MAGOHB: variants seen among roughly 807,000 people sequenced by gnomAD.
The protein encoded by MAGOHB is protein mago nashi homolog 2.
In MAGOHB, 15 loss-of-function variants were observed where a neutral mutation model predicts 20.9. That is an observed-to-expected ratio of 0.72 (90% confidence interval 0.48 to 1.11). The LOEUF is 1.11. Ranked by LOEUF, MAGOHB falls within the 50% of genes least tolerant of loss-of-function variation. MAGOHB has a pLI of 0.00. For synonymous variants in MAGOHB, 50 were observed against 57.9 expected, an observed-to-expected ratio of 0.86 and a Z score of 0.62; for missense variants, 162 against 177.6, an observed-to-expected ratio of 0.91 and a Z score of 0.50.
intron 3 of MAGOHB, 92 bp from the exon 4 acceptor site, chr12:10,608,028 C>T (rs1010437237): frequency 2.1e-5 from 15 of 698,398 alleles, no homozygotes; most frequent in African/African-American, 3.7e-5. Context: ...ATTTTAGTTG[C>T]AAGTTTTCTA....
chr12:10,609,331 G>GAA, intron 3 of MAGOHB: 1 of 419,256 alleles, frequency 2.4e-6, no homozygotes, highest in East Asian at 7.1e-5. Context: ...TCTTTTTACA[G>GAA]AGTGAAATTA....
At chr12:10,610,579 A>C (rs1249072763) in intron 2 of MAGOHB, 43 bp downstream of exon 2, 159 of 192,584 alleles carry the variant, frequency 8.3e-4, no homozygotes, top group African/African-American at 5.3e-3. Flanking sequence ...GCTAAATGCA[A>C]AAAAAAAAAA....
intron 1 of MAGOHB, among the ~76,000 whole-genome samples, chr12:10,610,906 T>C (rs1865722103): frequency 6.6e-6 from 1 of 152,236 alleles, no homozygotes; most frequent in Non-Finnish European, 1.5e-5. Context: ...GCCTACAATA[T>C]ATATTGGGTC....
At chr12:10,611,527 A>C in intron 1 of MAGOHB, among the ~76,000 whole-genome samples, 1 of 151,766 alleles carries the variant, frequency 6.6e-6, no homozygotes, top group African/African-American at 2.4e-5. Flanking sequence ...TGGGTGGATC[A>C]CCTGAGGTCA....
Position 10,607,896 on chromosome 12 carries a change from G to A in MAGOHB, c.305C>T (p.Thr102Ile), listed in dbSNP as rs1400373775. 6.3e-7 allele frequency: 1 copy of A among 1,591,660 alleles called. No individual in the cohort carries two copies. Among genetic ancestry groups the A allele is most frequent in the Non-Finnish European group, 8.6e-7 (1 of 1,168,448 alleles). ...AATAAGAGAACCTATTTTTGATGTG[G>A]TAAAAGATATGTGCTCATCTCCAAT... ...IVIGDEHISF[T>I]TSKIGSLIDV... Residue 102 changes from threonine (T) to isoleucine (I), a missense_variant, in exon 4 of 5, where the codon ACC becomes ATC. Coordinates refer to ENST00000320756, the MANE Select transcript of MAGOHB (RefSeq NM_018048.5).
At chr12:10,613,077 A>G in intron 1 of MAGOHB, 2 of 641,776 alleles carry the variant, frequency 3.1e-6, no homozygotes, top group Admixed American at 3.3e-5. Context: ...CACAGCCTAA[A>G]TGAAAAAAAG....
chr12:10,610,004 A>G, intron 2 of MAGOHB, 63 bp from the exon 3 acceptor site: 1 of 890,062 alleles, frequency 1.1e-6, no homozygotes, highest in Non-Finnish European at 1.7e-6. Context: ...ACTCAGAAAG[A>G]AATGAGTTAC....
intron 1 of MAGOHB, among the ~76,000 whole-genome samples, chr12:10,611,916 G>C (rs1451721358): frequency 6.6e-6 from 1 of 152,088 alleles, no homozygotes; most frequent in Non-Finnish European, 1.5e-5. Flanking sequence ...CATGTGACCT[G>C]CTAAAAGTGA....
intron 3 of MAGOHB, 100 bp from the exon 4 acceptor site, chr12:10,608,036 C>T (rs1283238374): frequency 7.6e-6 from 5 of 658,230 alleles, no homozygotes; most frequent in Non-Finnish European, 1.3e-5. Context: ...TGCAAGTTTT[C>T]TAGCAGCCAA....
chr12:10,601,573 GT>G (rs906904895), downstream of MAGOHB, among the ~76,000 whole-genome samples: 1 of 152,162 alleles, frequency 6.6e-6, no homozygotes, highest in Admixed American at 6.5e-5. Flanking sequence ...ATTCACCATA[GT>G]AAAATAGTGA....
At chr12:10,599,769 T>A (rs1160526446), downstream of MAGOHB, 2 of 152,188 alleles carry the variant, frequency 1.3e-5, no homozygotes, top group African/African-American at 4.8e-5. Flanking sequence ...TATTCCTCTA[T>A]CTCAACTAAC....
In MAGOHB at chr12:10,607,940, AAAAATAT is replaced by A. The variant is rs1379870856; in HGVS notation, c.265-11_265-5del. ...CTCCAATTACAATTTCAAGCTCCTA[AAAAATAT>A]AGCAGAAAAATGTAGTTAATATAAA... is the stretch of plus-strand genomic sequence containing the variant. On this transcript the variant is annotated splice_polypyrimidine_tract_variant and splice_region_variant and intron_variant, in intron 3 of 4. Transcript: ENST00000320756. 1 of 1,528,964 alleles carries A rather than the reference AAAAATAT, an allele frequency of 6.5e-7. No individual in the cohort carries two copies. The highest frequency in any genetic ancestry group is 1.4e-5 in the African/African-American group (1 of 71,762). 94.7% of individuals were successfully genotyped at this position (1,528,964 alleles called of 1,614,324 possible). A position where few individuals can be genotyped will look rare whatever the true frequency, so the allele number is the denominator to read the frequency against.
At chr12:10,612,740 G>T (rs1591667015) in intron 1 of MAGOHB, 1 of 1,183,406 alleles carries the variant, frequency 8.5e-7, no homozygotes, top group South Asian at 1.6e-5. Context: ...AGGTAGGCAA[G>T]ATCAATGTAA....
chr12:10,613,112 T>A (rs1442598711), intron 1 of MAGOHB: 2 of 516,370 alleles, frequency 3.9e-6, no homozygotes, highest in African/African-American at 3.9e-5. Flanking sequence ...AAGATTTTAT[T>A]CATCCACTGG....
At chr12:10,603,980 AT>A (rs1865581343), downstream of MAGOHB, among the ~76,000 whole-genome samples, 2 of 152,232 alleles carry the variant, frequency 1.3e-5, no homozygotes, top group South Asian at 2.1e-4. Flanking sequence ...TACATTAAAA[AT>A]ATCCATACAA....
intron 3 of MAGOHB, chr12:10,608,203 CA>C (rs1865663706): frequency 3.8e-6 from 1 of 262,444 alleles, no homozygotes; most frequent in Non-Finnish European, 7.1e-6. Flanking sequence ...AACAAAATGA[CA>C]AAGAAATATT....
chr12:10,609,373 C>T (rs1342636033), intron 3 of MAGOHB: 1 of 439,418 alleles, frequency 2.3e-6, no homozygotes, highest in African/African-American at 2.0e-5. Context: ...GCCTGAGAAA[C>T]ATCATTTATT....
intron 3 of MAGOHB, chr12:10,608,335 A>T (rs1335471603): frequency 3.1e-5 from 5 of 158,864 alleles, no homozygotes; most frequent in Non-Finnish European, 6.8e-5. Flanking sequence ...AAGATTCTAC[A>T]AATAAAATGT....
At chr12:10,606,974 T>C (rs10772334) in intron 4 of MAGOHB, among the ~76,000 whole-genome samples, 1 of 151,908 alleles carries the variant, frequency 6.6e-6, no homozygotes, top group African/African-American at 2.4e-5. Flanking sequence ...ATGTCAACAG[T>C]TTTTGATGCA....
Sources: allele counts gnomAD v4.1 joint callset (sites outside exome capture counted in the v4.1 genomes callset), GRCh38; gene constraint gnomAD v4.1.1; transcripts MANE v1.5; gene names NCBI Gene and HGNC (gene_info 2026-07-23, HGNC 2026-07-21).